Variants in PTPRT observed in about 807,000 individuals in gnomAD.
PTPRT encodes protein tyrosine phosphatase receptor type T, also known as receptor-type tyrosine-protein phosphatase T.
A neutral mutation model predicts 176.8 loss-of-function variants in PTPRT; 56 were observed. The ratio of observed to expected loss-of-function variants is 0.32; its 90% CI spans 0.26 to 0.40. The LOEUF (loss-of-function observed/expected upper bound fraction) is 0.40. PTPRT is among the 10% of genes least tolerant of loss of function. PTPRT has a pLI of 1.00. For missense variants in PTPRT, 1,540 were observed against 1,908.2 expected, an observed-to-expected ratio of 0.81 and a Z score of 3.60; for synonymous variants, 783 against 739.0, an observed-to-expected ratio of 1.06 and a Z score of -0.96.
chr20:42,262,371 G>A (rs568865107), intron 13 of PTPRT, among the ~76,000 whole-genome samples: 2 of 152,244 alleles, frequency 1.3e-5, no homozygotes, highest in South Asian at 2.1e-4. Context: ...GACTGCCCAC[G>A]ATTCCTGCCC....
At chr20:43,066,183 C>G (rs554588164) in intron 1 of PTPRT, among the ~76,000 whole-genome samples, 4 of 152,262 alleles carry the variant, frequency 2.6e-5, no homozygotes, top group East Asian at 3.9e-4. Context: ...GTATGAGGTA[C>G]AAGGACAAAG....
intron 1 of PTPRT, among the ~76,000 whole-genome samples, chr20:42,984,515 A>C (rs1375415577): frequency 2.0e-5 from 3 of 152,206 alleles, no homozygotes; most frequent in African/African-American, 7.2e-5. Context: ...TTTCCAAATC[A>C]GCACACAGAA....
In PTPRT at chr20:42,075,983, C is replaced by G. The variant is rs1000425008; in HGVS notation, c.*4896G>C. The G allele has an allele frequency of 8.9e-6, 2 of 223,522 alleles. No individual in the cohort carries two copies. Among genetic ancestry groups the G allele is most frequent in the Non-Finnish European group, 1.8e-5 (2 of 111,918 alleles). 13.8% of individuals were successfully genotyped at this position (223,522 alleles called of 1,614,324 possible). A position where few individuals can be genotyped will look rare whatever the true frequency, so the allele number is the denominator to read the frequency against. On this transcript the variant is annotated 3_prime_UTR_variant, in exon 31 of 31. Transcript: ENST00000373187. ...CTGCATCCTCGGTTCTGAGTATTCACTGGGTTCCAGTTTCCTGGCCTTGCG... is the reference window on the plus strand; with the variant it reads ...CTGCATCCTCGGTTCTGAGTATTCAGTGGGTTCCAGTTTCCTGGCCTTGCG...
At chr20:42,138,901 C>T (rs1175380103) in intron 18 of PTPRT, among the ~76,000 whole-genome samples, 1 of 152,160 alleles carries the variant, frequency 6.6e-6, no homozygotes, top group African/African-American at 2.4e-5. Context: ...TTCTGTTCTC[C>T]CTGGCCTGGG....
intron 7 of PTPRT, among the ~76,000 whole-genome samples, chr20:42,594,748 A>G (rs2073640685): frequency 6.6e-6 from 1 of 152,116 alleles, no homozygotes; most frequent in Non-Finnish European, 1.5e-5. Flanking sequence ...GACATATCAA[A>G]TATTTATCCA....
At chr20:42,487,200 T>C (rs984428335) in intron 7 of PTPRT, among the ~76,000 whole-genome samples, 2 of 152,172 alleles carry the variant, frequency 1.3e-5, no homozygotes, top group African/African-American at 2.4e-5. Context: ...ATGTGTCTCT[T>C]GGAGAGAAGG....
At chr20:42,720,549 A>G (rs953564115) in intron 6 of PTPRT, among the ~76,000 whole-genome samples, 1 of 152,198 alleles carries the variant, frequency 6.6e-6, no homozygotes, top group Non-Finnish European at 1.5e-5. Flanking sequence ...CGAATGTTCC[A>G]TTGTCACCAG....
intron 1 of PTPRT, among the ~76,000 whole-genome samples, chr20:43,057,485 A>G (rs1476774145): frequency 6.6e-6 from 1 of 152,108 alleles, no homozygotes; most frequent in Non-Finnish European, 1.5e-5. Flanking sequence ...AAAGGGAATG[A>G]AAGGGAAGAA....
intron 6 of PTPRT, among the ~76,000 whole-genome samples, chr20:42,716,807 C>G (rs1014554875): frequency 1.9e-4 from 29 of 152,172 alleles, no homozygotes; most frequent in African/African-American, 6.5e-4. Flanking sequence ...CAATGATGGA[C>G]TGGATTAAGA....
At position 42,847,727 on chromosome 20, in the gene PTPRT, C is replaced by T. The variant is rs73618865; in HGVS notation, c.214+38080G>A. On this transcript the variant is annotated intron_variant, in intron 2 of 30. Transcript: ENST00000373187. ...GGAAGGCCACCCACAGGTGACACTC[C>T]CAGGACTTCCCTGGGCCTACCATGT... Among the ~76,000 whole-genome samples, 168 of 152,272 alleles carry T rather than the reference C, an allele frequency of 1.1e-3. 2 individuals are homozygous for T. The East Asian group carries it at 0.029, about 26-fold the overall frequency.
intron 2 of PTPRT, among the ~76,000 whole-genome samples, chr20:42,822,389 G>A (rs1569175970): frequency 6.6e-6 from 1 of 151,984 alleles, no homozygotes; most frequent in East Asian, 1.9e-4. Context: ...ATACCTTATA[G>A]AAAAATTATC....
chr20:43,186,909 T>C (rs2015408233), intron 1 of PTPRT, among the ~76,000 whole-genome samples: 1 of 152,248 alleles, frequency 6.6e-6, no homozygotes, highest in South Asian at 2.1e-4. Context: ...AATATGTGGA[T>C]TCTGAAACCC....
rs575768211 is a variant in PTPRT at position 42,558,395 on chromosome 20, T to A, written c.1154-85833A>T. On this transcript the variant is annotated intron_variant, in intron 7 of 30. Transcript: ENST00000373187. ...TTGTTGGGCATTTAGGTTGATTCCATGTTTTTGCTATCGTGAATAGTGCTG... is the reference window on the plus strand; with the variant it reads ...TTGTTGGGCATTTAGGTTGATTCCAAGTTTTTGCTATCGTGAATAGTGCTG... Among the ~76,000 whole-genome samples, 278 of 152,304 alleles carry A rather than the reference T, an allele frequency of 1.8e-3. 1 individual carries two copies. Among genetic ancestry groups the A allele is most frequent in the African/African-American group, 6.2e-3 (256 of 41,576 alleles).
chr20:42,450,626 G>A (rs1261364143), intron 8 of PTPRT, among the ~76,000 whole-genome samples: 4 of 143,684 alleles, frequency 2.8e-5, no homozygotes, highest in African/African-American at 1.0e-4. Flanking sequence ...ATATATTTTC[G>A]CCAGTTTTTT....
At chr20:42,627,424 C>A (rs2074313136) in intron 7 of PTPRT, among the ~76,000 whole-genome samples, 1 of 151,966 alleles carries the variant, frequency 6.6e-6, no homozygotes, top group Non-Finnish European at 1.5e-5. Context: ...TATATGCTAC[C>A]ACACCCAGCT....
chr20:43,167,950 G>T (rs2014898350), intron 1 of PTPRT, among the ~76,000 whole-genome samples: 1 of 152,204 alleles, frequency 6.6e-6, no homozygotes, highest in African/African-American at 2.4e-5. Flanking sequence ...CAGTTAAGCT[G>T]TGCTCAGAGA....
At chr20:42,575,205 C>T (rs62203791) in intron 7 of PTPRT, among the ~76,000 whole-genome samples, 4,227 of 152,190 alleles carry the variant, frequency 0.028, 84 homozygotes, top group Middle Eastern at 0.075. Flanking sequence ...CCAAGAGACC[C>T]GTCCCTTGGT....
intron 8 of PTPRT, among the ~76,000 whole-genome samples, chr20:42,449,745 T>A (rs541399917): frequency 2.6e-5 from 4 of 152,226 alleles, no homozygotes; most frequent in Admixed American, 2.6e-4. Flanking sequence ...CTTGGCCATA[T>A]GTTGCAATCA....
At chr20:42,452,162 G>A (rs540200681) in intron 8 of PTPRT, among the ~76,000 whole-genome samples, 7 of 151,818 alleles carry the variant, frequency 4.6e-5, no homozygotes, top group African/African-American at 1.4e-4. Flanking sequence ...CCAGCTACTC[G>A]AGAGGCTGAG....
Sources: gnomAD v4.1 joint callset for allele counts (sites outside exome capture counted in the v4.1 genomes callset) on GRCh38, gnomAD v4.1.1 for gene constraint, MANE v1.5 for transcripts, NCBI Gene and HGNC (gene_info 2026-07-23, HGNC 2026-07-21) for gene names.